The following ACYP2 variants were observed in gnomAD, a reference collection of about 807,000 sequenced individuals.
ACYP2 encodes acylphosphatase 2, also known as acylphosphatase-2.
In ACYP2, 12 loss-of-function variants were observed where a neutral mutation model predicts 11.2. The observed-to-expected ratio is 1.08, with a 90% CI of 0.69 to 1.74. The LOEUF (loss-of-function observed/expected upper bound fraction) is 1.74, where lower values mean the gene tolerates loss of function less well. ACYP2 is among the 40% of genes most tolerant of loss of function. ACYP2 has a pLI of 0.00. For missense variants in ACYP2, 134 were observed against 101.9 expected, an observed-to-expected ratio of 1.31 and a Z score of -1.35; for synonymous variants, 43 against 32.2, an observed-to-expected ratio of 1.33 and a Z score of -1.13.
At position 54,263,267 on chromosome 2, in the gene ACYP2, A is replaced by C. The variant is rs1158278678; in HGVS notation, c.405-41421A>C. On this transcript the variant is annotated intron_variant, in intron 6 of 6. Transcript: ENST00000607452. Reference sequence around the variant, plus strand: ...GAGAGAGGGAGGTGCCACACACTTAAGTGACCAGATCTTGTGAGAACTCAC... The same window carrying C: ...GAGAGAGGGAGGTGCCACACACTTACGTGACCAGATCTTGTGAGAACTCAC... Among the ~76,000 whole-genome samples, 9 of 152,182 alleles carry C rather than the reference A, an allele frequency of 5.9e-5. 1 individual carries two copies. Among genetic ancestry groups the C allele is most frequent in the Admixed American group, 5.9e-4 (9 of 15,276 alleles).
chr2:54,214,307 TCTTTGCCAG>T (rs1685462830), intron 6 of ACYP2, among the ~76,000 whole-genome samples: 2 of 152,240 alleles, frequency 1.3e-5, no homozygotes, highest in South Asian at 4.1e-4. Flanking sequence ...TGTCATGAAA[TCTTTGCCAG>T]GGCCTACGTC....
chr2:54,228,711 GA>G (rs1254436267), intron 6 of ACYP2, among the ~76,000 whole-genome samples: 3 of 150,848 alleles, frequency 2.0e-5, no homozygotes, highest in African/African-American at 4.9e-5. Context: ...GGAGAGAAAA[GA>G]AAAAAAAGGA....
At chr2:54,271,293 C>T (rs1688288694) in intron 6 of ACYP2, among the ~76,000 whole-genome samples, 2 of 152,176 alleles carry the variant, frequency 1.3e-5, no homozygotes, top group Admixed American at 6.5e-5. Flanking sequence ...TTTCTATAAT[C>T]CCTTACTGCT....
intron 6 of ACYP2, among the ~76,000 whole-genome samples, chr2:54,168,847 C>T (rs535370126): frequency 4.6e-5 from 7 of 152,122 alleles, no homozygotes; most frequent in Non-Finnish European, 1.0e-4. Context: ...TTAAGCATTG[C>T]CATTTTCTGG....
chr2:53,983,134 G>A (rs1438012358), intron 2 of ACYP2, among the ~76,000 whole-genome samples: 1 of 152,028 alleles, frequency 6.6e-6, no homozygotes. Context: ...AGGATGCAAG[G>A]CCTAGACCAA....
At chr2:54,178,335 G>T (rs921647197) in intron 6 of ACYP2, among the ~76,000 whole-genome samples, 3 of 152,116 alleles carry the variant, frequency 2.0e-5, no homozygotes, top group African/African-American at 7.2e-5. Context: ...TATTATGGCT[G>T]GACCGTGAAC....
chr2:54,205,463 A>G (rs1295357405), intron 6 of ACYP2, among the ~76,000 whole-genome samples: 4 of 152,188 alleles, frequency 2.6e-5, no homozygotes, highest in African/African-American at 9.7e-5. Flanking sequence ...ACATCAGTAT[A>G]CATTCTCCTC....
At chr2:54,064,088 C>T (rs1676614684) in intron 4 of ACYP2, among the ~76,000 whole-genome samples, 1 of 152,130 alleles carries the variant, frequency 6.6e-6, no homozygotes, top group Non-Finnish European at 1.5e-5. Flanking sequence ...CTCAAGTGGT[C>T]CTCCTGCCTT....
chr2:54,141,735 A>C (rs1157760537), intron 6 of ACYP2: 3 of 430,992 alleles, frequency 7.0e-6, no homozygotes, highest in Non-Finnish European at 1.2e-5. Flanking sequence ...TTCCTCTCTT[A>C]ACTTTAAGAT....
intron 6 of ACYP2, among the ~76,000 whole-genome samples, chr2:54,202,783 G>C (rs550642851): frequency 8.5e-6 from 1 of 117,662 alleles, no homozygotes; most frequent in South Asian, 2.9e-4. Flanking sequence ...CGCTGGCCTT[G>C]AACTTTTGGG....
chr2:54,085,750 C>T (rs2103672740), intron 4 of ACYP2, among the ~76,000 whole-genome samples: 1 of 152,118 alleles, frequency 6.6e-6, no homozygotes, highest in South Asian at 2.1e-4. Context: ...TGGGAGGAGA[C>T]AGGCAATGTG....
At chr2:54,255,097 G>C in intron 6 of ACYP2, 1 of 1,614,170 alleles carries the variant, frequency 6.2e-7, no homozygotes, top group Non-Finnish European at 8.5e-7. Flanking sequence ...TGAAAACCAG[G>C]TGAAGAAGCT....
intron 6 of ACYP2, chr2:54,255,744 C>G (rs187843016): frequency 1.2e-6 from 2 of 1,614,002 alleles, no homozygotes; most frequent in South Asian, 2.2e-5. Flanking sequence ...CAGACTCCGA[C>G]CTCCCTGCCC....
intron 2 of ACYP2, among the ~76,000 whole-genome samples, chr2:53,985,641 C>T (rs1330893249): frequency 2.0e-5 from 3 of 152,026 alleles, no homozygotes; most frequent in Non-Finnish European, 4.4e-5. Flanking sequence ...AATGAAATAC[C>T]ACTGCTTTAG....
chr2:54,263,971 A>G (rs916468782), intron 6 of ACYP2, among the ~76,000 whole-genome samples: 1 of 152,086 alleles, frequency 6.6e-6, no homozygotes, highest in Non-Finnish European at 1.5e-5. Flanking sequence ...TGTGTCAGGG[A>G]GGTGATAGAT....
rs528556320 is a variant in ACYP2, at chr2:54,144,126, T to C, written c.404+5378T>C. 3.9e-5 allele frequency among the ~76,000 whole-genome samples: 6 copies of C among 152,158 alleles called. No homozygotes were observed. The South Asian group carries it at 6.2e-4, about 16-fold the overall frequency. ...CTAGGAATACAGGTATGCACCACCATGTCCAACTAATTTTTAAAAATTTTT... is the reference window on the plus strand; with the variant it reads ...CTAGGAATACAGGTATGCACCACCACGTCCAACTAATTTTTAAAAATTTTT... On this transcript the variant is annotated intron_variant, in intron 6 of 6. Coordinates refer to ENST00000607452, the MANE Select transcript of ACYP2 (RefSeq NM_001320586.2).
intron 6 of ACYP2, among the ~76,000 whole-genome samples, chr2:54,191,081 G>C (rs1485263110): frequency 1.3e-5 from 2 of 151,898 alleles, no homozygotes; most frequent in African/African-American, 4.8e-5. Flanking sequence ...TCCTCAGCCT[G>C]AGTCATCATC....
chr2:54,269,698 C>T (rs1054204938), intron 6 of ACYP2, among the ~76,000 whole-genome samples: 1 of 152,150 alleles, frequency 6.6e-6, no homozygotes, highest in Non-Finnish European at 1.5e-5. Context: ...TTGCTCTCAT[C>T]TCTATGTTGA....
chr2:54,062,347 G>C (rs1228324928), intron 4 of ACYP2, among the ~76,000 whole-genome samples: 1 of 152,030 alleles, frequency 6.6e-6, no homozygotes, highest in Admixed American at 6.6e-5. Context: ...GTTTTTATCT[G>C]GTAGATTATT....
Sources: gnomAD v4.1 joint callset for allele counts (sites outside exome capture counted in the v4.1 genomes callset) on GRCh38, gnomAD v4.1.1 for gene constraint, MANE v1.5 for transcripts, NCBI Gene and HGNC (gene_info 2026-07-23, HGNC 2026-07-21) for gene names.